Variants in MAGI2 observed in about 807,000 individuals in gnomAD.
The protein encoded by MAGI2 is membrane associated guanylate kinase, WW and PDZ domain containing 2.
MAGI2 carries 35 observed loss-of-function variants against 133.3 expected under a neutral mutation model. That is an observed-to-expected ratio of 0.26 (90% CI 0.20 to 0.35). The LOEUF is 0.35. Ranked by LOEUF, MAGI2 falls within the 10% of genes least tolerant of loss-of-function variation. The pLI is 1.00. For missense variants in MAGI2, 1,636 were observed against 1,863.4 expected (o/e 0.88, Z 2.25); for synonymous variants, 729 against 710.6 (o/e 1.03, Z -0.41).
At chr7:79,376,606 AG>A (rs1161113603) in intron 1 of MAGI2, among the ~76,000 whole-genome samples, 3 of 151,898 alleles carry the variant, frequency 2.0e-5, no homozygotes, top group Non-Finnish European at 4.4e-5. Context: ...TCTACAATGT[AG>A]ATGCCTGGGA....
intron 2 of MAGI2, among the ~76,000 whole-genome samples, chr7:78,708,957 A>G (rs1585153361): frequency 6.6e-6 from 1 of 151,928 alleles, no homozygotes; most frequent in African/African-American, 2.4e-5. Flanking sequence ...TATAATAAAT[A>G]CCCTTCCAAT....
At chr7:79,182,678 TA>T (rs1282337834) in intron 1 of MAGI2, among the ~76,000 whole-genome samples, 2 of 151,906 alleles carry the variant, frequency 1.3e-5, no homozygotes, top group African/African-American at 4.8e-5. Context: ...GCAATCCCAC[TA>T]AGAGTACGTC....
intron 1 of MAGI2, among the ~76,000 whole-genome samples, chr7:79,235,885 T>C (rs1831880578): frequency 6.6e-6 from 1 of 152,230 alleles, no homozygotes; most frequent in South Asian, 2.1e-4. Context: ...CTTTGTATTT[T>C]CGGGTTCTTG....
intron 1 of MAGI2, among the ~76,000 whole-genome samples, chr7:79,222,791 T>G (rs1830534964): frequency 6.6e-6 from 1 of 152,138 alleles, no homozygotes; most frequent in African/African-American, 2.4e-5. Context: ...GAAAACTATC[T>G]TACTATTATT....
chr7:79,170,492 T>C (rs939771464), intron 1 of MAGI2, among the ~76,000 whole-genome samples: 11 of 152,066 alleles, frequency 7.2e-5, no homozygotes, highest in African/African-American at 2.4e-4. Context: ...CTATAAAGTA[T>C]TGAATCAAAA....
intron 2 of MAGI2, among the ~76,000 whole-genome samples, chr7:78,920,921 G>A (rs2151633877): frequency 6.6e-6 from 1 of 152,208 alleles, no homozygotes; most frequent in East Asian, 1.9e-4. Flanking sequence ...ATTCCTTGAG[G>A]GTTTCTACTG....
intron 2 of MAGI2, among the ~76,000 whole-genome samples, chr7:78,994,661 C>A (rs1398721272): frequency 6.6e-6 from 1 of 152,050 alleles, no homozygotes; most frequent in Non-Finnish European, 1.5e-5. Context: ...GGTTTGAATT[C>A]TCCTCATCCA....
intron 1 of MAGI2, among the ~76,000 whole-genome samples, chr7:79,341,617 C>T (rs961512418): frequency 1.3e-5 from 2 of 152,156 alleles, no homozygotes; most frequent in African/African-American, 4.8e-5. Flanking sequence ...TCATAAATAT[C>T]AACACTCCTA....
At chr7:78,852,666 A>T (rs1282107658) in intron 2 of MAGI2, among the ~76,000 whole-genome samples, 1 of 152,148 alleles carries the variant, frequency 6.6e-6, no homozygotes, top group Non-Finnish European at 1.5e-5. Context: ...CTATTTTAAA[A>T]TATGACACTT....
chr7:78,183,098 A>T (rs1827337774), intron 13 of MAGI2, among the ~76,000 whole-genome samples: 1 of 152,140 alleles, frequency 6.6e-6, no homozygotes, highest in African/African-American at 2.4e-5. Context: ...TCCTACTATC[A>T]ATTTTGCCTC....
intron 6 of MAGI2, among the ~76,000 whole-genome samples, chr7:78,403,792 T>C (rs55824893): frequency 0.26 from 39,622 of 152,092 alleles, 5,623 homozygotes; most frequent in Middle Eastern, 0.35. Flanking sequence ...GCTACATAAA[T>C]GTCTTCTTTT....
At chr7:78,292,446 A>G (rs535491857) in intron 9 of MAGI2, among the ~76,000 whole-genome samples, 129 of 152,340 alleles carry the variant, frequency 8.5e-4, no homozygotes, top group African/African-American at 2.7e-3. Flanking sequence ...ACACAAACAA[A>G]TGGAGGAACA....
intron 6 of MAGI2, among the ~76,000 whole-genome samples, chr7:78,449,423 A>C (rs1788486678): frequency 6.6e-6 from 1 of 152,108 alleles, no homozygotes; most frequent in Admixed American, 6.6e-5. Context: ...CATTCCATAA[A>C]AGGAAAAACA....
At chr7:79,443,651 G>C (rs147522801) in intron 1 of MAGI2, among the ~76,000 whole-genome samples, 234 of 152,158 alleles carry the variant, frequency 1.5e-3, no homozygotes, top group African/African-American at 5.3e-3. Context: ...GTATGCAATT[G>C]TTTTTGTATT....
chr7:78,052,230 C>T (rs1812085690), intron 21 of MAGI2, among the ~76,000 whole-genome samples: 1 of 152,114 alleles, frequency 6.6e-6, no homozygotes, highest in African/African-American at 2.4e-5. Flanking sequence ...GAGGTAGGGC[C>T]TGGGAGGTGT....
chr7:78,715,382 T>C (rs1285535186), intron 2 of MAGI2, among the ~76,000 whole-genome samples: 3 of 152,176 alleles, frequency 2.0e-5, no homozygotes, highest in Non-Finnish European at 4.4e-5. Context: ...TGCAAGGAGG[T>C]ATATTTTTAA....
intron 1 of MAGI2, among the ~76,000 whole-genome samples, chr7:79,296,901 G>T (rs974823257): frequency 6.6e-6 from 1 of 152,086 alleles, no homozygotes; most frequent in Non-Finnish European, 1.5e-5. Context: ...TCACTACAAA[G>T]AAATAATATG....
intron 3 of MAGI2, among the ~76,000 whole-genome samples, chr7:78,546,934 G>A (rs1168314044): frequency 6.6e-6 from 1 of 152,184 alleles, no homozygotes; most frequent in Non-Finnish European, 1.5e-5. Context: ...TAAGCAACTA[G>A]TAAATACTAT....
chr7:78,392,527 G>C (rs570848459), intron 6 of MAGI2, among the ~76,000 whole-genome samples: 1 of 152,250 alleles, frequency 6.6e-6, no homozygotes, highest in South Asian at 2.1e-4. Context: ...AATGTTTTTG[G>C]ATACTAGGTT....
Sources: allele counts gnomAD v4.1 joint callset (sites outside exome capture counted in the v4.1 genomes callset), GRCh38; gene constraint gnomAD v4.1.1; transcripts MANE v1.5; gene names NCBI Gene and HGNC (gene_info 2026-07-23, HGNC 2026-07-21).